Variants in ADAM20 observed in about 807,000 individuals in gnomAD.
ADAM20 encodes the protein disintegrin and metalloproteinase domain-containing protein 20.
For synonymous variants in ADAM20, 305 were observed against 310.2 expected, an observed-to-expected ratio of 0.98 and a Z score of 0.18; for missense variants, 871 against 883.2, an observed-to-expected ratio of 0.99 and a Z score of 0.18.
rs139913990 is a variant in ADAM20, at chr14:70,523,982, A to G, written c.776T>C (p.Ile259Thr). 147 of 1,613,888 alleles carry G rather than the reference A, an allele frequency of 9.1e-5. No individual in the cohort carries two copies. Among genetic ancestry groups the G allele is most frequent in the Middle Eastern group, 1.6e-4 (1 of 6,080 alleles). ...AGGAAGTGGATTTGATGCAGTCCAT[A>G]TATCAATTCCAGTCAAAATTACATC... ...EVDVILTGID[I>T]WTASNPLPTS... The change falls in exon 2 of 2, where the codon ATA (isoleucine) becomes ACA (threonine). Residue 259 changes from isoleucine (I) to threonine (T), a missense_variant. Transcript: ENST00000256389.
At chr14:70,553,673 G>A in the ADAM20 span, among the ~76,000 whole-genome samples, 9 of 151,580 alleles carry the variant, frequency 5.9e-5, no homozygotes, top group South Asian at 1.9e-3. Flanking sequence ...CATATCAACA[G>A]AATGAAGGGC....
chr14:70,539,280 C>T (rs73282164), upstream of ADAM20, among the ~76,000 whole-genome samples: 5,075 of 152,236 alleles, frequency 0.033, 293 homozygotes, highest in African/African-American at 0.11. Context: ...GTCTGCCAGA[C>T]GAGCCAACAA....
the ADAM20 span, among the ~76,000 whole-genome samples, chr14:70,569,885 C>CAAAAAAAAAAAAAAAAAA: frequency 5.3e-5 from 4 of 76,188 alleles, no homozygotes; most frequent in Non-Finnish European, 8.1e-5. Context: ...AGAAAACTAA[C>CAAAAAAAAAAAAAAAAAA]AAAAAAAAAA....
chr14:70,547,358 A>T, the ADAM20 span: 1 of 152,530 alleles, frequency 6.6e-6, no homozygotes, highest in South Asian at 2.1e-4. Flanking sequence ...AGCGACGCAG[A>T]AGACGGGTGA....
the ADAM20 span, among the ~76,000 whole-genome samples, chr14:70,560,819 G>C: frequency 6.6e-6 from 1 of 152,126 alleles, no homozygotes; most frequent in Non-Finnish European, 1.5e-5. Flanking sequence ...CATGCTTCTT[G>C]TTAAGCCTTC....
upstream of ADAM20, among the ~76,000 whole-genome samples, chr14:70,539,650 G>A (rs375739325): frequency 8.4e-4 from 128 of 152,280 alleles, no homozygotes; most frequent in African/African-American, 3.1e-3. Flanking sequence ...GCTAATCATA[G>A]GTTATGGAAA....
chr14:70,563,586 T>C, the ADAM20 span, among the ~76,000 whole-genome samples: 4 of 152,136 alleles, frequency 2.6e-5, no homozygotes, highest in Admixed American at 1.3e-4. Flanking sequence ...ATCCCCAGCG[T>C]TGGAGGTGGA....
intron 1 of ADAM20, among the ~76,000 whole-genome samples, chr14:70,532,529 G>A (rs770159972): frequency 6.6e-5 from 10 of 152,070 alleles, no homozygotes; most frequent in Admixed American, 2.6e-4. Flanking sequence ...GGAAACAGAT[G>A]GGCATGTAGT....
At chr14:70,531,958 C>T (rs765646228) in intron 1 of ADAM20, among the ~76,000 whole-genome samples, 3 of 152,012 alleles carry the variant, frequency 2.0e-5, no homozygotes, top group South Asian at 2.1e-4. Flanking sequence ...GAATCCCTAA[C>T]AAAATCTCAG....
At chr14:70,525,920 TATC>T (rs1455353089) in intron 1 of ADAM20, among the ~76,000 whole-genome samples, 1 of 152,170 alleles carries the variant, frequency 6.6e-6, no homozygotes, top group Admixed American at 6.5e-5. Context: ...TCATGATCTC[TATC>T]ATAAGAGGCT....
In ADAM20 at chr14:70,524,581, T is replaced by A; in HGVS notation, c.177A>T (p.Gly59=). The change falls in exon 2 of 2, where the codon GGA becomes GGT. Residue 59 remains glycine (G), a synonymous_variant. Coordinates refer to ENST00000256389, the MANE Select transcript of ADAM20 (RefSeq NM_003814.5). ...CAAACCGCAGGCTATAGGAGAGCCA[T>A]CCAGGAGCCTTTGCACCTCTGCCCC... The part of the protein sequence containing the change: ...ISRGRGAKAP[G]WLSYSLRFGG... 6.2e-7 allele frequency: 1 copy of A among 1,613,956 alleles called. No individual in the cohort carries two copies. Among genetic ancestry groups the A allele is most frequent in the Non-Finnish European group, 8.5e-7 (1 of 1,179,922 alleles).
upstream of ADAM20, chr14:70,535,067 T>C (rs1883803766): frequency 6.6e-6 from 1 of 152,242 alleles, no homozygotes. Context: ...CTACTCAATG[T>C]TGATTGCAGT....
the ADAM20 span, among the ~76,000 whole-genome samples, chr14:70,567,646 T>C: frequency 6.6e-6 from 1 of 151,990 alleles, no homozygotes; most frequent in Non-Finnish European, 1.5e-5. Context: ...TTTACTCGAA[T>C]GGCGGGGCCT....
chr14:70,559,449 G>A, the ADAM20 span, among the ~76,000 whole-genome samples: 1 of 151,674 alleles, frequency 6.6e-6, no homozygotes, highest in Non-Finnish European at 1.5e-5. Context: ...CTTGATTATT[G>A]CCTTAGCCTC....
chr14:70,566,340 T>C, the ADAM20 span, among the ~76,000 whole-genome samples: 40 of 152,128 alleles, frequency 2.6e-4, no homozygotes, highest in African/African-American at 9.4e-4. Flanking sequence ...TATGTGAGCA[T>C]AGTTAAGCTG....
At chr14:70,557,852 A>G in the ADAM20 span, among the ~76,000 whole-genome samples, 1 of 152,166 alleles carries the variant, frequency 6.6e-6, no homozygotes, top group African/African-American at 2.4e-5. Flanking sequence ...AGGGAAGCCA[A>G]AAGATTGGAC....
the ADAM20 span, among the ~76,000 whole-genome samples, chr14:70,560,369 T>C: frequency 6.6e-6 from 1 of 152,148 alleles, no homozygotes; most frequent in African/African-American, 2.4e-5. Context: ...AAGATGCTAA[T>C]AAACACTCCA....
chr14:70,540,227 G>A, the ADAM20 span, among the ~76,000 whole-genome samples: 1 of 152,132 alleles, frequency 6.6e-6, no homozygotes, highest in African/African-American at 2.4e-5. Context: ...TAATCCAATT[G>A]GGTAATTAGC....
chr14:70,525,071 G>T, intron 1 of ADAM20, 138 bp from the exon 2 acceptor site: 1 of 734,062 alleles, frequency 1.4e-6, no homozygotes, highest in Non-Finnish European at 2.1e-6. Flanking sequence ...TGGCCAAGAA[G>T]ATTTCCAGAT....
Sources: gnomAD v4.1 joint callset for allele counts (sites outside exome capture counted in the v4.1 genomes callset) on GRCh38, gnomAD v4.1.1 for gene constraint, MANE v1.5 for transcripts, NCBI Gene and HGNC (gene_info 2026-07-23, HGNC 2026-07-21) for gene names.